Variants in EYS observed in about 807,000 individuals in gnomAD.
EYS encodes the protein EGF-like photoreceptor maintenance factor, also known as protein eyes shut homolog.
EYS carries 250 observed loss-of-function variants against 282.1 expected under a neutral mutation model. That is an observed-to-expected ratio of 0.89 (90% CI 0.80 to 0.98). The LOEUF is 0.98. Among genes scored for constraint, EYS ranks in the 50% least tolerant of loss-of-function variants. EYS has a pLI of 0.00. For synonymous variants in EYS, 1,355 were observed against 1,282.9 expected (o/e 1.06, Z -1.20); for missense variants, 4,016 against 3,709.0 (o/e 1.08, Z -2.15).
At chr6:64,424,486 C>G (rs980490564) in intron 28 of EYS, among the ~76,000 whole-genome samples, 4 of 152,132 alleles carry the variant, frequency 2.6e-5, no homozygotes, top group Non-Finnish European at 5.9e-5. Flanking sequence ...GACAGCCTAG[C>G]GACCCTACTG....
Position 64,591,624 on chromosome 6 carries a change from G to T in EYS, c.4243C>A (p.Gln1415Lys). 3.9e-6 allele frequency: 6 copies of T among 1,551,180 alleles called. No homozygotes were observed. The highest frequency in any genetic ancestry group is 4.4e-6 in the Non-Finnish European group (5 of 1,146,712). Residue 1415 changes from glutamine (Q) to lysine (K), a missense_variant, in exon 26 of 43, where the codon CAG (glutamine) becomes AAG (lysine). Transcript: ENST00000503581. ...PTQSLLFENC[Q>K]TVALSATPTT... ...GGGGTAGCAGATAAAGCAACAGTCT[G>T]ACAGTTCTCAAATAATAAAGATTGT...
intron 35 of EYS, among the ~76,000 whole-genome samples, chr6:63,937,340 CTTTTCTTTTTTTTTTT>C (rs1765089927): frequency 5.4e-4 from 25 of 46,046 alleles, no homozygotes; most frequent in Non-Finnish European, 9.3e-4. Flanking sequence ...AGGCTTCTCT[CTTTTCTTTTTTTTTTT>C]TTTTTTTTTT....
At chr6:64,370,639 T>G (rs1772334019) in intron 29 of EYS, among the ~76,000 whole-genome samples, 1 of 152,032 alleles carries the variant, frequency 6.6e-6, no homozygotes, top group African/African-American at 2.4e-5. Flanking sequence ...GGCTGTAAAT[T>G]CATCTGGTCC....
rs753099567 is a variant in EYS, at chr6:65,405,233, C to T, written c.997G>A (p.Val333Ile). ...GSSSQNGETD[V>I]SEFSLVPCQN... is the part of the protein sequence containing the mutation. ...CATGGTACTAATGAAAACTCACTGA[C>T]ATCAGTTTCACCATTTTGGCTGGAA... Residue 333 changes from valine (V) to isoleucine (I), a missense_variant, in exon 6 of 43, where the codon GTC becomes ATC. By Grantham distance (29) the Val-to-Ile change is conservative. Coordinates refer to ENST00000503581, the MANE Select transcript of EYS (RefSeq NM_001142800.2). 9 of 1,613,250 alleles carry T rather than the reference C, an allele frequency of 5.6e-6. No individual in the cohort carries two copies. In the South Asian group the frequency reaches 8.8e-5, roughly 16 times the overall value.
intron 12 of EYS, among the ~76,000 whole-genome samples, chr6:65,105,282 C>A (rs1775004538): frequency 6.6e-6 from 1 of 151,506 alleles, no homozygotes; most frequent in African/African-American, 2.4e-5. Flanking sequence ...CTTCAGTCTT[C>A]TACTGACTAC....
chr6:64,887,945 AT>A (rs146686446), intron 18 of EYS, among the ~76,000 whole-genome samples: 2,606 of 152,194 alleles, frequency 0.017, 74 homozygotes, highest in African/African-American at 0.059. Flanking sequence ...CTGAATATGA[AT>A]GAAAACATGC....
chr6:63,917,766 C>T (rs1458309546), intron 35 of EYS, among the ~76,000 whole-genome samples: 3 of 152,082 alleles, frequency 2.0e-5, no homozygotes, highest in South Asian at 2.1e-4. Flanking sequence ...GTAGACAGAA[C>T]CCTGGGGATG....
In EYS at chr6:65,574,600, C is replaced by A. The variant is rs1764593947; in HGVS notation, c.-333+65178G>T. 1.3e-5 allele frequency among the ~76,000 whole-genome samples: 2 copies of A among 151,912 alleles called. 1 individual carries two copies. The highest frequency in any genetic ancestry group is 4.1e-4 in the South Asian group (2 of 4,820). ...TGTAATGATTGTAAACATATATAAC[C>A]AACACTGGAGAAGCTAAGTAATAGT... On this transcript the variant is annotated intron_variant, in intron 2 of 42. Transcript: ENST00000503581.
intron 12 of EYS, among the ~76,000 whole-genome samples, chr6:65,236,718 T>C (rs921869404): frequency 3.9e-5 from 6 of 152,154 alleles, no homozygotes; most frequent in Admixed American, 3.9e-4. Context: ...ACAGTTTCTT[T>C]TACATTTAAT....
intron 22 of EYS, among the ~76,000 whole-genome samples, chr6:64,807,603 G>A (rs928006105): frequency 2.0e-5 from 3 of 152,210 alleles, no homozygotes; most frequent in African/African-American, 7.2e-5. Flanking sequence ...TACTTCAGAT[G>A]TGCATATTAT....
At chr6:64,084,338 T>A (rs1018323453) in intron 31 of EYS, among the ~76,000 whole-genome samples, 1 of 152,178 alleles carries the variant, frequency 6.6e-6, no homozygotes, top group African/African-American at 2.4e-5. Flanking sequence ...CAGATTAAGT[T>A]AAGTAGGCAA....
At chr6:64,811,267 G>T (rs1764582262) in intron 22 of EYS, among the ~76,000 whole-genome samples, 1 of 152,006 alleles carries the variant, frequency 6.6e-6, no homozygotes, top group African/African-American at 2.4e-5. Context: ...TAAACACATT[G>T]AATCAGCAAT....
At chr6:64,420,554 A>G (rs1464904268) in intron 28 of EYS, among the ~76,000 whole-genome samples, 1 of 152,308 alleles carries the variant, frequency 6.6e-6, no homozygotes, top group East Asian at 1.9e-4. Flanking sequence ...TTTGGAGCTT[A>G]CACCCTCTGA....
At chr6:65,314,563 TGTGTGTGTG>T (rs1769249646) in intron 11 of EYS, among the ~76,000 whole-genome samples, 1 of 18,136 alleles carries the variant, frequency 5.5e-5, no homozygotes, top group Non-Finnish European at 1.4e-4. Context: ...CCCCTTATGG[TGTGTGTGTG>T]TGTGTGTGTG....
intron 14 of EYS, among the ~76,000 whole-genome samples, chr6:64,978,175 CT>C (rs1189671640): frequency 1.3e-5 from 2 of 151,912 alleles, no homozygotes; most frequent in African/African-American, 4.8e-5. Context: ...GAATTCAAAG[CT>C]TCAGAGGACA....
At chr6:64,463,153 G>A (rs888277815) in intron 26 of EYS, among the ~76,000 whole-genome samples, 4 of 151,812 alleles carry the variant, frequency 2.6e-5, no homozygotes, top group South Asian at 2.1e-4. Flanking sequence ...GGGTTTCACC[G>A]TGTTAGCCAG....
chr6:64,735,137 G>GC (rs1772144687), intron 22 of EYS, among the ~76,000 whole-genome samples: 1 of 152,094 alleles, frequency 6.6e-6, no homozygotes, highest in Admixed American at 6.6e-5. Flanking sequence ...AGGCTGTAGT[G>GC]CAGCGGTGCA....
intron 26 of EYS, among the ~76,000 whole-genome samples, chr6:64,556,903 C>T (rs1470823476): frequency 6.6e-6 from 1 of 151,806 alleles, no homozygotes. Context: ...AATAAAAATA[C>T]ATTTTTCAAT....
chr6:65,483,471 A>C (rs181122060), intron 5 of EYS, among the ~76,000 whole-genome samples: 9 of 152,242 alleles, frequency 5.9e-5, no homozygotes, highest in Admixed American at 3.3e-4. Context: ...TATAATAATC[A>C]CTGGTTGATA....
Sources: gnomAD v4.1 joint callset for allele counts (sites outside exome capture counted in the v4.1 genomes callset) on GRCh38, gnomAD v4.1.1 for gene constraint, MANE v1.5 for transcripts, NCBI Gene and HGNC (gene_info 2026-07-23, HGNC 2026-07-21) for gene names.